PDE3B: variants seen among roughly 807,000 people sequenced by gnomAD.
PDE3B encodes the protein cGMP-inhibited 3',5'-cyclic phosphodiesterase 3B.
A neutral mutation model predicts 116.8 loss-of-function variants in PDE3B; 66 were observed. The observed-to-expected ratio is 0.56, with a 90% CI of 0.46 to 0.69. The LOEUF is 0.69. Among genes scored for constraint, PDE3B ranks in the 30% least tolerant of loss-of-function variants. The pLI is 0.00. For synonymous variants in PDE3B, 595 were observed against 533.6 expected (o/e 1.12, Z -1.59); for missense variants, 1,384 against 1,368.1 (o/e 1.01, Z -0.18).
chr11:14,891,641 T>C, the PDE3B span: 3 of 1,120,582 alleles, frequency 2.7e-6, no homozygotes, highest in Admixed American at 9.6e-5. Flanking sequence ...AGGGCATGCG[T>C]CCACCCTGGA....
chr11:14,804,508 G>A (rs1042503552), intron 5 of PDE3B, among the ~76,000 whole-genome samples: 3 of 151,894 alleles, frequency 2.0e-5, no homozygotes, highest in African/African-American at 7.2e-5. Context: ...TTGGATGCAA[G>A]ATATTTTAAT....
At chr11:14,732,603 CATCT>C (rs1355358250) in intron 1 of PDE3B, among the ~76,000 whole-genome samples, 4 of 152,132 alleles carry the variant, frequency 2.6e-5, no homozygotes, top group Non-Finnish European at 5.9e-5. Flanking sequence ...TAGGATGGAT[CATCT>C]GTGTTTGCCA....
At chr11:14,701,985 A>T (rs1337634769) in intron 1 of PDE3B, among the ~76,000 whole-genome samples, 15 of 150,780 alleles carry the variant, frequency 9.9e-5, no homozygotes, top group Middle Eastern at 3.4e-3. Flanking sequence ...TTTGGGGAAA[A>T]ATTCATGTGT....
intron 1 of PDE3B, among the ~76,000 whole-genome samples, chr11:14,690,231 C>A (rs1855006336): frequency 6.6e-6 from 1 of 152,136 alleles, no homozygotes; most frequent in Admixed American, 6.6e-5. Flanking sequence ...GGGAAAAATT[C>A]TTCCAAATCG....
intron 1 of PDE3B, among the ~76,000 whole-genome samples, chr11:14,723,369 A>AT (rs1856180861): frequency 6.6e-6 from 1 of 152,202 alleles, no homozygotes; most frequent in Non-Finnish European, 1.5e-5. Flanking sequence ...CACTTACAAC[A>AT]TTTTGAAGTA....
chr11:14,718,182 AC>A (rs1384900012), intron 1 of PDE3B, among the ~76,000 whole-genome samples: 8 of 89,454 alleles, frequency 8.9e-5, no homozygotes, highest in African/African-American at 2.8e-4. Flanking sequence ...GAAGGCCATT[AC>A]ATAATGGTAA....
chr11:14,722,214 G>A (rs1258510077), intron 1 of PDE3B, among the ~76,000 whole-genome samples: 1 of 151,494 alleles, frequency 6.6e-6, no homozygotes, highest in Non-Finnish European at 1.5e-5. Context: ...AATGTTAAAT[G>A]ACGAGTTAAT....
At chr11:14,778,182 T>G (rs1386542164) in intron 2 of PDE3B, among the ~76,000 whole-genome samples, 2 of 152,168 alleles carry the variant, frequency 1.3e-5, no homozygotes, top group African/African-American at 2.4e-5. Flanking sequence ...TCAAAATGGG[T>G]GGAGCCCACC....
At chr11:14,690,439 A>T (rs1194142201) in intron 1 of PDE3B, among the ~76,000 whole-genome samples, 1 of 152,168 alleles carries the variant, frequency 6.6e-6, no homozygotes, top group Non-Finnish European at 1.5e-5. Flanking sequence ...AGAGGTGATA[A>T]CAAAAGTTAT....
chr11:14,887,245 A>G, the PDE3B span: 5 of 152,228 alleles, frequency 3.3e-5, no homozygotes, highest in African/African-American at 1.2e-4. Context: ...ACAGAGGGCA[A>G]ATGTATTTCA....
chr11:14,651,432 A>G (rs1395769516), intron 1 of PDE3B, among the ~76,000 whole-genome samples: 1 of 152,190 alleles, frequency 6.6e-6, no homozygotes, highest in Non-Finnish European at 1.5e-5. Flanking sequence ...GGGGCGATAC[A>G]ATTCAGCCCA....
intron 1 of PDE3B, among the ~76,000 whole-genome samples, chr11:14,769,596 G>GAT (rs3059191): frequency 0.027 from 3,753 of 141,492 alleles, 145 homozygotes; most frequent in African/African-American, 0.086. Flanking sequence ...CGAATCCAGG[G>GAT]ATATATATAT....
At chr11:14,735,736 A>G (rs1173177381) in intron 1 of PDE3B, among the ~76,000 whole-genome samples, 1 of 152,208 alleles carries the variant, frequency 6.6e-6, no homozygotes, top group Non-Finnish European at 1.5e-5. Flanking sequence ...CATCATCGAA[A>G]AAAGTTTAAC....
At chr11:14,661,697 C>G (rs1019432109) in intron 1 of PDE3B, among the ~76,000 whole-genome samples, 1 of 152,222 alleles carries the variant, frequency 6.6e-6, no homozygotes, top group African/African-American at 2.4e-5. Context: ...CGGAGTCTCA[C>G]TGATTGCTAG....
At chr11:14,716,256 C>A (rs868216617) in intron 1 of PDE3B, among the ~76,000 whole-genome samples, 1 of 152,222 alleles carries the variant, frequency 6.6e-6, no homozygotes, top group Admixed American at 6.5e-5. Flanking sequence ...CCACACCTGG[C>A]TTGGAGGGTG....
chr11:14,674,745 T>TA (rs1175910006), intron 1 of PDE3B, among the ~76,000 whole-genome samples: 2 of 152,208 alleles, frequency 1.3e-5, no homozygotes, highest in Non-Finnish European at 1.5e-5. Context: ...ATGTAGCACT[T>TA]ACACTTAGGG....
intron 1 of PDE3B, among the ~76,000 whole-genome samples, chr11:14,759,952 T>C (rs1590121840): frequency 6.6e-6 from 1 of 152,332 alleles, no homozygotes; most frequent in Non-Finnish European, 1.5e-5. Flanking sequence ...AGTTGAAAAT[T>C]CATTATTTTG....
At chr11:14,765,743 A>G (rs1857479063) in intron 1 of PDE3B, among the ~76,000 whole-genome samples, 1 of 151,170 alleles carries the variant, frequency 6.6e-6, no homozygotes, top group African/African-American at 2.4e-5. Flanking sequence ...TTATAGTTTG[A>G]TAGAACTACA....
At chr11:14,777,916 A>G (rs1283466270) in intron 2 of PDE3B, among the ~76,000 whole-genome samples, 2 of 152,148 alleles carry the variant, frequency 1.3e-5, no homozygotes, top group East Asian at 3.9e-4. Flanking sequence ...AAGGGAAGCC[A>G]TGACAGACGG....
Sources: gnomAD v4.1 joint callset for allele counts (sites outside exome capture counted in the v4.1 genomes callset) on GRCh38, gnomAD v4.1.1 for gene constraint, MANE v1.5 for transcripts, NCBI Gene and HGNC (gene_info 2026-07-23, HGNC 2026-07-21) for gene names.